Variants in RFC1 observed in about 807,000 individuals in gnomAD.
The protein encoded by RFC1 is A1 140 kDa subunit.
In RFC1, 37 loss-of-function variants were observed where a neutral mutation model predicts 137.4. That is an observed-to-expected ratio of 0.27 (90% CI 0.21 to 0.35). RFC1 has a LOEUF of 0.35. Ranked by LOEUF, RFC1 falls within the 10% of genes least tolerant of loss-of-function variation. The probability of loss-of-function intolerance (pLI) is 1.00; values close to 1 mark genes in which losing one functional copy is unlikely to be tolerated. For synonymous variants in RFC1, 429 were observed against 455.7 expected (o/e 0.94, Z 0.75); for missense variants, 1,205 against 1,358.5 (o/e 0.89, Z 1.78).
Position 39,288,133 on chromosome 4 carries a change from T to C in RFC1, c.*628A>G, listed in dbSNP as rs1737472609. On this transcript the variant is annotated 3_prime_UTR_variant, in exon 25 of 25. Coordinates refer to ENST00000349703, the MANE Select transcript of RFC1 (RefSeq NM_002913.5). ...ACAGTGAGCTTTTTTAATCCAATCATTTGCAAATTAATAAGGAAGTAATAT... is the reference window on the plus strand; with the variant it reads ...ACAGTGAGCTTTTTTAATCCAATCACTTGCAAATTAATAAGGAAGTAATAT... 1 of 152,198 alleles carries C rather than the reference T, an allele frequency of 6.6e-6. No individual in the cohort carries two copies. Among genetic ancestry groups the C allele is most frequent in the Admixed American group, 6.5e-5 (1 of 15,270 alleles). 9.4% of individuals were successfully genotyped at this position (152,198 alleles called of 1,614,324 possible). A position where few individuals can be genotyped will look rare whatever the true frequency, so the allele number is the denominator to read the frequency against.
intron 1 of RFC1, among the ~76,000 whole-genome samples, chr4:39,358,032 T>C (rs949538932): frequency 6.6e-5 from 10 of 151,938 alleles, no homozygotes; most frequent in Admixed American, 5.2e-4. Flanking sequence ...CCCAGCACTT[T>C]GGGAGGCCAA....
intron 2 of RFC1, among the ~76,000 whole-genome samples, chr4:39,348,158 T>C (rs891759646): frequency 1.3e-5 from 2 of 152,038 alleles, no homozygotes; most frequent in African/African-American, 2.4e-5. Flanking sequence ...CCAGGTGTGG[T>C]GGCTCACGCC....
At chr4:39,338,313 T>C (rs958633) in intron 4 of RFC1, among the ~76,000 whole-genome samples, 64,238 of 152,058 alleles carry the variant, frequency 0.42, 16,270 homozygotes, top group East Asian at 0.63. Flanking sequence ...CCTAAAAATC[T>C]GTATAACAAT....
intron 11 of RFC1, 89 bp downstream of exon 11, chr4:39,312,662 CA>C: frequency 9.0e-7 from 1 of 1,115,234 alleles, no homozygotes; most frequent in African/African-American, 1.6e-5. Flanking sequence ...TTCTTTCCTT[CA>C]TTTAACTCTG....
chr4:39,308,541 G>T, intron 13 of RFC1, 95 bp downstream of exon 13: 1 of 1,478,750 alleles, frequency 6.8e-7, no homozygotes. Context: ...CTTGCTGACA[G>T]ATGAATGAAT....
chr4:39,304,851 C>T lies in RFC1; in HGVS notation c.2073G>A (p.Glu691=). ...SKSSLKAIVA[E]SLNNTSIKGF... ...CTTTGATGCTGGTATTGTTCAGTGA[C>T]TCAGCAACAATCGCCTTCAAACTGC... The change falls in exon 15 of 25, where the codon GAG becomes GAA. Residue 691 remains glutamate, a synonymous_variant. Coordinates refer to ENST00000349703, the MANE Select transcript of RFC1 (RefSeq NM_002913.5). 1 of 1,612,838 alleles carries T rather than the reference C, an allele frequency of 6.2e-7. No individual in the cohort carries two copies. The highest frequency in any genetic ancestry group is 8.5e-7 in the Non-Finnish European group (1 of 1,178,892).
Position 39,327,694 on chromosome 4 carries a change from T to C in RFC1, c.394A>G (p.Thr132Ala). Residue 132 changes from threonine (T) to alanine (A), a missense_variant, in exon 5 of 25, where the codon ACA (threonine) becomes GCA (alanine). Physicochemically the swap from Thr to Ala is moderately conservative, Grantham distance 58. This residue lies in a region of RFC1 where 962 missense variants were observed against 1,035.3 expected (regional missense o/e 0.93). Coordinates refer to ENST00000349703, the MANE Select transcript of RFC1 (RefSeq NM_002913.5). Reference protein sequence around the residue: ...ASKSKENGRSTNSHLGTSNMK... With the variant: ...ASKSKENGRSANSHLGTSNMK... ...TTTGATGTTCCAAGATGACTATTTG[T>C]AGATCTTCCATTCTCTTTTGATTTA... 6.2e-7 allele frequency: 1 copy of C among 1,613,368 alleles called. No homozygotes were observed. The highest frequency in any genetic ancestry group is 8.5e-7 in the Non-Finnish European group (1 of 1,179,740).
Position 39,302,537 on chromosome 4 carries a change from T to C in RFC1, c.2399A>G (p.Asn800Ser). The change falls in exon 18 of 25, where the codon AAT becomes AGT. Residue 800 changes from asparagine (N) to serine (S), a missense_variant. Asn to Ser is a conservative substitution (Grantham distance 46). This residue lies in a region of RFC1 where 962 missense variants were observed against 1,035.3 expected (regional missense o/e 0.93). Coordinates refer to ENST00000349703, the MANE Select transcript of RFC1 (RefSeq NM_002913.5). ...TTGATTGGCTCCCAAAATTATTTCA[T>C]TCATAGCTGGAGGGGGAATCTTTAA... Reference protein sequence around the residue: ...EGLKIPPPAMNEIILGANQDI... With the variant: ...EGLKIPPPAMSEIILGANQDI... 3 of 1,611,286 alleles carry C rather than the reference T, an allele frequency of 1.9e-6. No homozygotes were observed. Among genetic ancestry groups the C allele is most frequent in the Non-Finnish European group, 2.5e-6 (3 of 1,177,868 alleles).
chr4:39,348,036 C>T (rs1560619308), intron 2 of RFC1, among the ~76,000 whole-genome samples: 2 of 152,166 alleles, frequency 1.3e-5, no homozygotes, highest in African/African-American at 2.4e-5. Context: ...AAATGCAAAA[C>T]GGAAGAGATG....
intron 2 of RFC1, among the ~76,000 whole-genome samples, chr4:39,350,236 G>A (rs1741116626): frequency 6.6e-6 from 1 of 151,938 alleles, no homozygotes; most frequent in Non-Finnish European, 1.5e-5. Flanking sequence ...AAATGAACAA[G>A]GCTCAATGAT....
At chr4:39,346,476 C>CAAA (rs79505335) in intron 2 of RFC1, among the ~76,000 whole-genome samples, 1 of 86,632 alleles carries the variant, frequency 1.2e-5, no homozygotes, top group Non-Finnish European at 2.4e-5. Context: ...AATTCCGTCT[C>CAAA]AAAAAAAAAA....
At position 39,288,624 on chromosome 4, in the gene RFC1, T is replaced by G; in HGVS notation, c.*137A>C. The G allele has an allele frequency of 1.5e-6, 1 of 650,210 alleles. No individual in the cohort carries two copies. Among genetic ancestry groups the G allele is most frequent in the Non-Finnish European group, 2.8e-6 (1 of 361,362 alleles). 40.3% of individuals were successfully genotyped at this position (650,210 alleles called of 1,614,324 possible). On this transcript the variant is annotated 3_prime_UTR_variant, in exon 25 of 25. Coordinates refer to ENST00000349703, the MANE Select transcript of RFC1 (RefSeq NM_002913.5). ...TCATACCCTTCTAGCCATACCACCC[T>G]TTATTTATAATGGGACACCAGGTCA... is the stretch of plus-strand genomic sequence containing the variant.
At chr4:39,347,964 T>C (rs1415200694) in intron 2 of RFC1, among the ~76,000 whole-genome samples, 1 of 152,160 alleles carries the variant, frequency 6.6e-6, no homozygotes, top group Non-Finnish European at 1.5e-5. Context: ...GATATTTAGC[T>C]GAGGAGATTT....
Position 39,326,708 on chromosome 4 carries a change from GA to G in RFC1, c.565-69del, listed in dbSNP as rs551223562. On this transcript the variant is annotated intron_variant, in intron 5 of 24. Coordinates refer to ENST00000349703, the MANE Select transcript of RFC1 (RefSeq NM_002913.5). ...AGTTAAAAATAAGGCACTTTTTCTT[GA>G]CTGTTGCTGATTAAATACACCAGTG... 1.7e-3 allele frequency: 2,001 copies of G among 1,192,974 alleles called. 1 individual carries two copies. The highest frequency in any genetic ancestry group is 2.2e-3 in the Non-Finnish European group (1,839 of 818,030). The allele number at this position is 1,192,974 out of a possible 1,614,324, so 73.9% of individuals were successfully genotyped here. A position where few individuals can be genotyped will look rare whatever the true frequency, so the allele number is the denominator to read the frequency against.
intron 7 of RFC1, among the ~76,000 whole-genome samples, chr4:39,322,608 T>C (rs1044410325): frequency 2.6e-5 from 4 of 151,970 alleles, no homozygotes; most frequent in Non-Finnish European, 5.9e-5. Context: ...AGAACTCCTA[T>C]GATAAAGGAG....
At position 39,312,833 on chromosome 4, in the gene RFC1, C is replaced by T. The variant is rs1257550579; in HGVS notation, c.1302G>A (p.Gly434=). 1 of 1,613,948 alleles carries T rather than the reference C, an allele frequency of 6.2e-7. No homozygotes were observed. The highest frequency in any genetic ancestry group is 8.5e-7 in the Non-Finnish European group (1 of 1,180,016). ...DEAKSLIERY[G]GKVTGNVSKK... is the part of the protein sequence containing the mutation. ...TGCTGACATTTCCTGTTACTTTTCC[C>T]CCATAACGTTCAATTAGAGACTTGG... Residue 434 remains glycine (G), a synonymous_variant, in exon 11 of 25, where the codon GGG becomes GGA. Transcript: ENST00000349703.
chr4:39,365,237 C>G (rs1045412282), intron 1 of RFC1, among the ~76,000 whole-genome samples: 2 of 147,536 alleles, frequency 1.4e-5, no homozygotes, highest in Non-Finnish European at 3.0e-5. Flanking sequence ...AAGGTAGCTA[C>G]TATCATTACT....
At chr4:39,353,687 T>C (rs979651866) in intron 1 of RFC1, among the ~76,000 whole-genome samples, 2 of 152,202 alleles carry the variant, frequency 1.3e-5, no homozygotes, top group African/African-American at 4.8e-5. Flanking sequence ...CGTATCAGTT[T>C]CACTTTTGAA....
chr4:39,311,695 C>A, intron 11 of RFC1, 146 bp from the exon 12 acceptor site: 3 of 567,638 alleles, frequency 5.3e-6, no homozygotes, highest in African/African-American at 1.9e-5. Flanking sequence ...AAAAGAAAAA[C>A]AAAAAATAGC....
Sources: gnomAD v4.1 joint callset for allele counts (sites outside exome capture counted in the v4.1 genomes callset) on GRCh38, gnomAD v4.1.1 for gene constraint, gnomAD v4.1.1 regional missense constraint, MANE v1.5 for transcripts, NCBI Gene and HGNC (gene_info 2026-07-23, HGNC 2026-07-21) for gene names.